The following XXYLT1 variants were observed in gnomAD, a reference collection of about 807,000 sequenced individuals.
XXYLT1 encodes the protein xyloside xylosyltransferase 1.
Under a neutral mutation model 28.9 loss-of-function variants are expected in XXYLT1, and 20 were observed. That is an observed-to-expected ratio of 0.69 (90% CI 0.49 to 1.00). XXYLT1 has a LOEUF of 1.00. Ranked by LOEUF, XXYLT1 falls within the 50% of genes least tolerant of loss-of-function variation. The probability of loss-of-function intolerance (pLI) is 0.00; values close to 1 mark genes in which losing one functional copy is unlikely to be tolerated. For synonymous variants in XXYLT1, 257 were observed against 253.8 expected, an observed-to-expected ratio of 1.01 and a Z score of -0.12; for missense variants, 542 against 560.1, an observed-to-expected ratio of 0.97 and a Z score of 0.33.
chr3:195,174,928 G>C (rs2108724687), intron 2 of XXYLT1, among the ~76,000 whole-genome samples: 1 of 152,146 alleles, frequency 6.6e-6, no homozygotes. Flanking sequence ...TTGTACATCT[G>C]TTTGTTTACT....
At chr3:195,102,781 C>G (rs1431396066) in intron 3 of XXYLT1, among the ~76,000 whole-genome samples, 2 of 152,166 alleles carry the variant, frequency 1.3e-5, no homozygotes, top group African/African-American at 2.4e-5. Context: ...CACGGGAGAG[C>G]AGTTATCTTT....
intron 3 of XXYLT1, among the ~76,000 whole-genome samples, chr3:195,088,022 C>T (rs1254935566): frequency 6.6e-6 from 1 of 151,994 alleles, no homozygotes; most frequent in Non-Finnish European, 1.5e-5. Flanking sequence ...CCGCACCTGG[C>T]TCGGAGGGTC....
At chr3:195,248,143 C>T (rs1288213165) in intron 1 of XXYLT1, among the ~76,000 whole-genome samples, 5 of 152,088 alleles carry the variant, frequency 3.3e-5, no homozygotes, top group Admixed American at 1.3e-4. Flanking sequence ...TGCAAAAGGG[C>T]GTCCTGTGGG....
intron 2 of XXYLT1, among the ~76,000 whole-genome samples, chr3:195,214,520 A>G (rs6777904): frequency 0.14 from 21,406 of 152,028 alleles, 3,270 homozygotes; most frequent in African/African-American, 0.38. Context: ...ACCAGCATGC[A>G]CCGTCAGCCC....
chr3:195,147,919 CAT>C (rs1719953734), intron 3 of XXYLT1: 1 of 152,252 alleles, frequency 6.6e-6, no homozygotes, highest in African/African-American at 2.4e-5. Context: ...CCAAAATACT[CAT>C]AATGTGCAGA....
At chr3:195,123,298 C>G (rs534826123) in intron 3 of XXYLT1, among the ~76,000 whole-genome samples, 2 of 152,258 alleles carry the variant, frequency 1.3e-5, no homozygotes, top group South Asian at 4.1e-4. Context: ...AAGGGGCTGC[C>G]TAAACCCCGC....
intron 2 of XXYLT1, among the ~76,000 whole-genome samples, chr3:195,221,302 T>C (rs909612273): frequency 5.3e-5 from 8 of 152,330 alleles, no homozygotes; most frequent in African/African-American, 1.9e-4. Context: ...CCCTCAGCAT[T>C]GGGTGGCTCT....
chr3:195,232,959 C>T (rs1451135263), intron 1 of XXYLT1, among the ~76,000 whole-genome samples: 2 of 152,074 alleles, frequency 1.3e-5, no homozygotes, highest in Non-Finnish European at 2.9e-5. Flanking sequence ...ATGATCTGTC[C>T]AATGCTGAAA....
At chr3:195,107,202 G>C (rs923805477) in intron 3 of XXYLT1, among the ~76,000 whole-genome samples, 1 of 151,980 alleles carries the variant, frequency 6.6e-6, no homozygotes, top group African/African-American at 2.4e-5. Context: ...GGCCGGGTGC[G>C]GTGGCTCACG....
At chr3:195,226,559 T>TCGCCGAATCATTA in intron 2 of XXYLT1, 150 bp downstream of exon 2, 2 of 987,204 alleles carry the variant, frequency 2.0e-6, no homozygotes, top group South Asian at 4.0e-5. Flanking sequence ...AGCTCGGTGG[T>TCGCCGAATCATTA]ACAAAGGGCT....
chr3:195,070,775 A>G (rs1714757900), intron 3 of XXYLT1, among the ~76,000 whole-genome samples: 1 of 152,204 alleles, frequency 6.6e-6, no homozygotes, highest in South Asian at 2.1e-4. Context: ...AAGGCTGGGC[A>G]GGGGCTGGGG....
rs888870160 is a variant in XXYLT1 at position 195,257,977 on chromosome 3, G to A, written c.504+12578C>T. On this transcript the variant is annotated intron_variant, in intron 1 of 3. Transcript: ENST00000310380. This position sits in a 1 kb window ranked among gnomAD's most constrained non-coding sequence, Gnocchi z 4.3. ...CGACCCTGTGTCTTCCTACCCCCTA[G>A]ACAGCAGGTGGCCAAGGGTGCCCTA... Among the ~76,000 whole-genome samples, 3 of 152,216 alleles carry A rather than the reference G, an allele frequency of 2.0e-5. No individual in the cohort carries two copies. The highest frequency in any genetic ancestry group is 4.4e-5 in the Non-Finnish European group (3 of 67,986).
chr3:195,250,215 C>T (rs1035751114), intron 1 of XXYLT1, among the ~76,000 whole-genome samples: 4 of 152,206 alleles, frequency 2.6e-5, no homozygotes, highest in African/African-American at 9.6e-5. Flanking sequence ...TTCTTTCCTT[C>T]AGGTCTTCAC....
intron 3 of XXYLT1, among the ~76,000 whole-genome samples, chr3:195,084,109 T>C (rs7627506): frequency 0.48 from 73,450 of 152,070 alleles, 21,141 homozygotes; most frequent in East Asian, 0.96. Context: ...CTCCTGTGCT[T>C]TCACCAAGTT....
At chr3:195,220,084 G>T (rs938111639) in intron 2 of XXYLT1, among the ~76,000 whole-genome samples, 1 of 152,134 alleles carries the variant, frequency 6.6e-6, no homozygotes, top group African/African-American at 2.4e-5. Context: ...GATGCTGGGA[G>T]CTGGGGGGAG....
At chr3:195,136,439 T>C (rs1398035480) in intron 3 of XXYLT1, among the ~76,000 whole-genome samples, 1 of 152,018 alleles carries the variant, frequency 6.6e-6, no homozygotes, top group Non-Finnish European at 1.5e-5. Flanking sequence ...GAGGATGTGG[T>C]CTAAGAACCA....
At chr3:195,082,104 CACTT>C (rs138955616) in intron 3 of XXYLT1, among the ~76,000 whole-genome samples, 3,332 of 152,268 alleles carry the variant, frequency 0.022, 108 homozygotes, top group African/African-American at 0.074. Context: ...TTCAAAAACT[CACTT>C]CTATGTATTG....
chr3:195,219,369 T>A (rs1465394330), intron 2 of XXYLT1, among the ~76,000 whole-genome samples: 2 of 152,188 alleles, frequency 1.3e-5, no homozygotes, highest in Admixed American at 1.3e-4. Flanking sequence ...GAAAACTCAA[T>A]ATGGCTTTTA....
In XXYLT1 at chr3:195,226,006, C is replaced by T. The variant is rs772404824; in HGVS notation, c.652+703G>A. Among the ~76,000 whole-genome samples, 7 of 152,250 alleles carry T rather than the reference C, an allele frequency of 4.6e-5. No homozygotes were observed. In the East Asian group the frequency reaches 7.7e-4, roughly 17 times the overall value. ...GTCTCAGGTATGTCTTTATGAACAG[C>T]GTGAGAACAGATTAATACACTGGTC... On this transcript the variant is annotated intron_variant, in intron 2 of 3. Transcript: ENST00000310380.
Sources: allele counts gnomAD v4.1 joint callset (sites outside exome capture counted in the v4.1 genomes callset), GRCh38; gene constraint gnomAD v4.1.1; non-coding constraint Gnocchi (gnomAD v3.1); transcripts MANE v1.5; gene names NCBI Gene and HGNC (gene_info 2026-07-23, HGNC 2026-07-21).